Variants in PTPRR observed in about 807,000 individuals in gnomAD.
PTPRR encodes the protein protein tyrosine phosphatase receptor type R.
Under a neutral mutation model 77.2 loss-of-function variants are expected in PTPRR, and 38 were observed. The ratio of observed to expected loss-of-function variants is 0.49; its 90% CI spans 0.38 to 0.65. The LOEUF (loss-of-function observed/expected upper bound fraction) is 0.65. Ranked by LOEUF, PTPRR falls within the 30% of genes least tolerant of loss-of-function variation. The pLI is 0.00. For synonymous variants in PTPRR, 299 were observed against 283.1 expected (o/e 1.06, Z -0.57); for missense variants, 744 against 799.2 (o/e 0.93, Z 0.83).
chr12:70,666,751 A>G (rs1160396757), intron 10 of PTPRR, among the ~76,000 whole-genome samples: 2 of 152,010 alleles, frequency 1.3e-5, no homozygotes, highest in African/African-American at 4.8e-5. Flanking sequence ...TTTTGATAAT[A>G]TATAAACAAT....
intron 2 of PTPRR, among the ~76,000 whole-genome samples, chr12:70,823,558 C>A (rs981177766): frequency 6.6e-6 from 1 of 152,112 alleles, no homozygotes; most frequent in Non-Finnish European, 1.5e-5. Context: ...TGTTTTTTAA[C>A]AACTTGTACT....
chr12:70,807,172 ACAAAGCCAGAAGG>A (rs1449540262), intron 2 of PTPRR, among the ~76,000 whole-genome samples: 1 of 151,912 alleles, frequency 6.6e-6, no homozygotes, highest in Non-Finnish European at 1.5e-5. Context: ...AGTAGAAAGT[ACAAAGCCAGAAGG>A]CACATGCAAA....
chr12:70,661,027 C>T lies in PTPRR; in HGVS notation c.1679G>A (p.Ser560Asn). 6.2e-7 allele frequency: 1 copy of T among 1,613,626 alleles called. No homozygotes were observed. The highest frequency in any genetic ancestry group is 8.5e-7 in the Non-Finnish European group (1 of 1,179,830). The change falls in exon 12 of 14, where the codon AGT becomes AAT. Residue 560 changes from serine (S) to asparagine (N), a missense_variant. Ser to Asn is a conservative substitution (Grantham distance 46). Transcript: ENST00000283228. ...CATGAGCTGTAGGAGGGGCTGGGCACTGTCTGGAGTCTTGTGATCAGGCCA... is the reference window on the plus strand; with the variant it reads ...CATGAGCTGTAGGAGGGGCTGGGCATTGTCTGGAGTCTTGTGATCAGGCCA... ...TSWPDHKTPD[S>N]AQPLLQLMLD...
chr12:70,684,130 A>AT lies in PTPRR; in HGVS notation c.1493dup (p.Asn498LysfsTer2). On this transcript the variant is annotated frameshift_variant, in exon 10 of 14. Coordinates refer to ENST00000283228, the MANE Select transcript of PTPRR (RefSeq NM_002849.4). LOFTEE classifies it high-confidence loss of function. ...AGAACTTGATTAAAGATCATACCTCATTTTTTTCTTTGAGTTTTGTGATCA... is the reference window on the plus strand; with the variant it reads ...AGAACTTGATTAAAGATCATACCTCATTTTTTTTCTTTGAGTTTTGTGATCA... The AT allele has an allele frequency of 6.2e-7, 1 of 1,613,556 alleles. No individual in the cohort carries two copies. Among genetic ancestry groups the AT allele is most frequent in the Non-Finnish European group, 8.5e-7 (1 of 1,179,752 alleles).
chr12:70,893,100 G>A, intron 1 of PTPRR, 123 bp from the exon 2 acceptor site: 1 of 1,065,112 alleles, frequency 9.4e-7, no homozygotes, highest in Non-Finnish European at 1.3e-6. Context: ...ATTTAGGTTA[G>A]TCTCCATATT....
intron 2 of PTPRR, among the ~76,000 whole-genome samples, chr12:70,847,360 G>A (rs1275217991): frequency 3.3e-5 from 5 of 152,090 alleles, no homozygotes; most frequent in Non-Finnish European, 7.4e-5. Context: ...CAAAACATTT[G>A]GTCCAACATA....
chr12:70,669,504 G>T (rs1592653946), intron 10 of PTPRR, among the ~76,000 whole-genome samples: 2 of 115,124 alleles, frequency 1.7e-5, no homozygotes, highest in African/African-American at 9.4e-5. Flanking sequence ...ATATATACGA[G>T]CTATATATAT....
intron 6 of PTPRR, among the ~76,000 whole-genome samples, chr12:70,708,987 G>A (rs1049813001): frequency 1.3e-5 from 2 of 151,688 alleles, no homozygotes; most frequent in African/African-American, 4.8e-5. Flanking sequence ...GACACCTATT[G>A]TCCTGATACC....
chr12:70,740,927 G>A (rs1890026626), intron 6 of PTPRR, among the ~76,000 whole-genome samples: 1 of 151,918 alleles, frequency 6.6e-6, no homozygotes, highest in Admixed American at 6.6e-5. Flanking sequence ...AAATTTTAAG[G>A]CTTAAAACTG....
At chr12:70,898,946 AT>A (rs1329967325) in intron 1 of PTPRR, among the ~76,000 whole-genome samples, 1 of 151,526 alleles carries the variant, frequency 6.6e-6, no homozygotes, top group African/African-American at 2.4e-5. Flanking sequence ...GAAAATAACA[AT>A]CCTCTACAAA....
intron 6 of PTPRR, among the ~76,000 whole-genome samples, chr12:70,727,606 G>A (rs1889489104): frequency 6.6e-6 from 1 of 152,096 alleles, no homozygotes; most frequent in African/African-American, 2.4e-5. Context: ...TTTTATATTA[G>A]TTATGAACAG....
At chr12:70,899,477 C>T (rs1247227606) in intron 1 of PTPRR, among the ~76,000 whole-genome samples, 1 of 151,368 alleles carries the variant, frequency 6.6e-6, no homozygotes, top group South Asian at 2.1e-4. Context: ...AAATAATAGT[C>T]ATACTAATTG....
At chr12:70,707,980 C>G (rs1212074505) in intron 6 of PTPRR, among the ~76,000 whole-genome samples, 1 of 152,036 alleles carries the variant, frequency 6.6e-6, no homozygotes, top group Non-Finnish European at 1.5e-5. Context: ...ACATTCTCAT[C>G]CGGACCTGTG....
intron 10 of PTPRR, among the ~76,000 whole-genome samples, chr12:70,676,821 G>C (rs1887465671): frequency 6.7e-6 from 1 of 148,612 alleles, no homozygotes. Context: ...CTGTAACTTT[G>C]GGGTATATTT....
intron 13 of PTPRR, among the ~76,000 whole-genome samples, chr12:70,652,135 A>T (rs565024627): frequency 6.6e-6 from 1 of 152,322 alleles, no homozygotes; most frequent in African/African-American, 2.4e-5. Flanking sequence ...ATGAAGAAAG[A>T]TATGCTGCAA....
chr12:70,882,265 A>C (rs575112219), intron 2 of PTPRR, among the ~76,000 whole-genome samples: 1 of 152,148 alleles, frequency 6.6e-6, no homozygotes, highest in African/African-American at 2.4e-5. Context: ...TTCCTTTTGG[A>C]ACTATTCCTT....
At position 70,733,477 on chromosome 12, in the gene PTPRR, AAAAAG is replaced by A. The variant is rs1338951670; in HGVS notation, c.1007+12336_1007+12340del. ...AAAAAAGAAAAATTATGGCAAAAAA[AAAAAG>A]AAAAAAAAAGAAAAAAAAAGATTTC... On this transcript the variant is annotated intron_variant, in intron 6 of 13. Transcript: ENST00000283228. Among the ~76,000 whole-genome samples, 60 of 86,814 alleles carry A rather than the reference AAAAAG, an allele frequency of 6.9e-4. 1 individual carries two copies. The highest frequency in any genetic ancestry group is 1.3e-3 in the African/African-American group (22 of 17,406). 57.0% of individuals were successfully genotyped at this position (86,814 alleles called of 152,430 possible). A position where few individuals can be genotyped will look rare whatever the true frequency, so the allele number is the denominator to read the frequency against.
chr12:70,839,026 A>T (rs2467005), intron 2 of PTPRR, among the ~76,000 whole-genome samples: 1,864 of 152,286 alleles, frequency 0.012, 35 homozygotes, highest in African/African-American at 0.043. Flanking sequence ...TACTGAGGTC[A>T]TGCATACACC....
chr12:70,786,965 G>A (rs922420896), intron 2 of PTPRR, among the ~76,000 whole-genome samples: 2 of 152,142 alleles, frequency 1.3e-5, no homozygotes, highest in Admixed American at 6.6e-5. Context: ...TAGTGTTTTT[G>A]TGGTTCTTTC....
Sources: allele counts gnomAD v4.1 joint callset (sites outside exome capture counted in the v4.1 genomes callset), GRCh38; gene constraint gnomAD v4.1.1; transcripts MANE v1.5; gene names NCBI Gene and HGNC (gene_info 2026-07-23, HGNC 2026-07-21).